The following CNTN3 variants were observed in gnomAD, a reference collection of about 807,000 sequenced individuals.
CNTN3 encodes contactin 3.
In CNTN3, 60 loss-of-function variants were observed where a neutral mutation model predicts 119.1. The ratio of observed to expected loss-of-function variants is 0.50; its 90% confidence interval spans 0.41 to 0.62. The LOEUF is 0.62. Among genes scored for constraint, CNTN3 ranks in the 20% least tolerant of loss-of-function variants. CNTN3 has a pLI of 0.00. For synonymous variants in CNTN3, 450 were observed against 438.7 expected (o/e 1.03, Z -0.32); for missense variants, 1,101 against 1,242.4 (o/e 0.89, Z 1.71).
At chr3:74,478,326 T>C (rs964558384) in intron 4 of CNTN3, among the ~76,000 whole-genome samples, 1 of 152,046 alleles carries the variant, frequency 6.6e-6, no homozygotes, top group Admixed American at 6.6e-5. Context: ...GGAATCCAGG[T>C]TCTCTGTCCC....
chr3:74,453,685 GAATGTGT>G lies in CNTN3; in HGVS notation c.359-28752_359-28746del, dbSNP rs1234090885. ...TAAATTTCCCTCTACACACTGCTTT[GAATGTGT>G]CCCAGAGATTCTGGTATGTTGTGTC... On this transcript the variant is annotated intron_variant, in intron 4 of 22. Transcript: ENST00000263665. Among the ~76,000 whole-genome samples the G allele has an allele frequency of 9.3e-5, 14 of 150,072 alleles. No homozygotes were observed. The East Asian group carries it at 2.8e-3, about 30-fold the overall frequency.
chr3:74,593,648 T>C (rs958738138), intron 1 of CNTN3, among the ~76,000 whole-genome samples: 6 of 151,966 alleles, frequency 3.9e-5, no homozygotes, highest in African/African-American at 7.2e-5. Flanking sequence ...AGGTTGATTA[T>C]ACAGATGAGG....
chr3:74,584,779 T>C (rs1364698767), intron 1 of CNTN3, among the ~76,000 whole-genome samples: 1 of 152,208 alleles, frequency 6.6e-6, no homozygotes, highest in East Asian at 1.9e-4. Flanking sequence ...TAGATACTAT[T>C]ATTACTTCCA....
chr3:74,509,335 A>G (rs1045823811), intron 2 of CNTN3, among the ~76,000 whole-genome samples: 8 of 129,892 alleles, frequency 6.2e-5, no homozygotes, highest in African/African-American at 2.3e-4. Flanking sequence ...TTTTTTTGAC[A>G]TGGGGTCTCG....
chr3:74,527,539 GA>G (rs150347821), intron 1 of CNTN3, among the ~76,000 whole-genome samples: 6 of 151,838 alleles, frequency 4.0e-5, no homozygotes, highest in South Asian at 4.1e-4. Flanking sequence ...TGCTATGCCA[GA>G]AAAAAATTAC....
intron 3 of CNTN3, among the ~76,000 whole-genome samples, chr3:74,491,810 A>C (rs1391484512): frequency 6.6e-6 from 1 of 152,250 alleles, no homozygotes; most frequent in African/African-American, 2.4e-5. Context: ...CAAGGAATTT[A>C]AAAGTTCACC....
At chr3:74,456,821 A>G (rs929182002) in intron 4 of CNTN3, among the ~76,000 whole-genome samples, 3 of 152,084 alleles carry the variant, frequency 2.0e-5, no homozygotes, top group Admixed American at 6.6e-5. Context: ...TGCTCATTTC[A>G]TGTAGCACAG....
chr3:74,288,159 C>CTTTTCTT (rs1487942663), intron 19 of CNTN3, among the ~76,000 whole-genome samples: 1,497 of 90,330 alleles, frequency 0.017, 54 homozygotes, highest in African/African-American at 0.047. Context: ...CTTTTCTTTT[C>CTTTTCTT]TTTTTTTTTT....
At chr3:74,385,894 T>A (rs1704734792) in intron 5 of CNTN3, among the ~76,000 whole-genome samples, 1 of 152,208 alleles carries the variant, frequency 6.6e-6, no homozygotes, top group African/African-American at 2.4e-5. Context: ...ATCACGTAGT[T>A]TCTCTTTCAA....
chr3:74,611,139 T>G (rs937298381), intron 1 of CNTN3, among the ~76,000 whole-genome samples: 3 of 152,198 alleles, frequency 2.0e-5, no homozygotes, highest in African/African-American at 4.8e-5. Flanking sequence ...AATCTATGTC[T>G]TCAAATGCCA....
intron 13 of CNTN3, among the ~76,000 whole-genome samples, chr3:74,316,607 TG>T (rs1025604675): frequency 2.0e-5 from 3 of 152,154 alleles, no homozygotes; most frequent in African/African-American, 7.2e-5. Flanking sequence ...AATGGGAGAC[TG>T]GGTAAAGAAA....
intron 5 of CNTN3, among the ~76,000 whole-genome samples, chr3:74,417,540 G>A (rs1701543212): frequency 6.6e-6 from 1 of 152,168 alleles, no homozygotes. Flanking sequence ...ATGGATGGAT[G>A]GATGGAATAT....
rs141282184 is a variant in CNTN3, at chr3:74,506,292, G to A, written c.56-6507C>T. Reference sequence around the variant, plus strand: ...TGTACTATAATTCCATAAAAGAAGAGGACTTGAGAGTACTTCTAAAAGTGC... The same window carrying A: ...TGTACTATAATTCCATAAAAGAAGAAGACTTGAGAGTACTTCTAAAAGTGC... On this transcript the variant is annotated intron_variant, in intron 2 of 22. Coordinates refer to ENST00000263665, the MANE Select transcript of CNTN3 (RefSeq NM_020872.3). 1.5e-3 allele frequency among the ~76,000 whole-genome samples: 230 copies of A among 152,202 alleles called. 3 individuals carry two copies. The highest frequency in any genetic ancestry group is 5.4e-3 in the African/African-American group (226 of 41,538).
At chr3:74,311,842 C>A (rs1702691722) in intron 13 of CNTN3, among the ~76,000 whole-genome samples, 2 of 152,152 alleles carry the variant, frequency 1.3e-5, no homozygotes, top group Non-Finnish European at 2.9e-5. Flanking sequence ...AAACGGCTTC[C>A]CCTTAATCAG....
intron 1 of CNTN3, among the ~76,000 whole-genome samples, chr3:74,587,801 A>G (rs984280151): frequency 6.6e-6 from 1 of 152,084 alleles, no homozygotes; most frequent in Non-Finnish European, 1.5e-5. Flanking sequence ...TCTCCTGCCT[A>G]ATTGCCCTGG....
intron 1 of CNTN3, among the ~76,000 whole-genome samples, chr3:74,591,966 G>T (rs1455641327): frequency 6.6e-6 from 1 of 151,920 alleles, no homozygotes; most frequent in Non-Finnish European, 1.5e-5. Flanking sequence ...AGAAAATTCA[G>T]TCCAGGCTGA....
intron 5 of CNTN3, among the ~76,000 whole-genome samples, chr3:74,402,450 T>C (rs1575690991): frequency 1.3e-5 from 2 of 152,186 alleles, no homozygotes; most frequent in Admixed American, 1.3e-4. Context: ...TCTTCTACTA[T>C]ATCACAAACT....
chr3:74,557,862 C>T (rs1334930250), intron 1 of CNTN3, among the ~76,000 whole-genome samples: 2 of 152,124 alleles, frequency 1.3e-5, no homozygotes, highest in Non-Finnish European at 2.9e-5. Flanking sequence ...TAGCTGCTCC[C>T]TGGTAAATTT....
chr3:74,312,328 T>C (rs930380328), intron 13 of CNTN3, among the ~76,000 whole-genome samples: 1 of 151,036 alleles, frequency 6.6e-6, no homozygotes, highest in Non-Finnish European at 1.5e-5. Context: ...TGGTGGCGGG[T>C]GCCTGTAGTC....
Sources: allele counts gnomAD v4.1 joint callset (sites outside exome capture counted in the v4.1 genomes callset), GRCh38; gene constraint gnomAD v4.1.1; transcripts MANE v1.5; gene names NCBI Gene and HGNC (gene_info 2026-07-23, HGNC 2026-07-21).